Variants in GALNT13 observed in about 807,000 individuals in gnomAD.
The protein encoded by GALNT13 is polypeptide N-acetylgalactosaminyltransferase 13.
GALNT13 carries 28 observed loss-of-function variants against 64.2 expected under a neutral mutation model. That is an observed-to-expected ratio of 0.44 (90% confidence interval 0.32 to 0.60). GALNT13 has a LOEUF of 0.60. GALNT13 is among the 20% of genes least tolerant of loss of function. The pLI, the probability that GALNT13 is intolerant of heterozygous loss-of-function variation, is 0.05. For missense variants in GALNT13, 577 were observed against 669.8 expected (o/e 0.86, Z 1.53); for synonymous variants, 214 against 224.6 (o/e 0.95, Z 0.42).
At chr2:153,555,488 C>T in the GALNT13 span, among the ~76,000 whole-genome samples, 1 of 104,592 alleles carries the variant, frequency 9.6e-6, no homozygotes, top group South Asian at 3.6e-4. Flanking sequence ...GCCACCGCGC[C>T]CGGCCCAGAA....
intron 3 of GALNT13, among the ~76,000 whole-genome samples, chr2:153,986,418 C>A (rs1694804311): frequency 6.6e-6 from 1 of 151,918 alleles, no homozygotes; most frequent in Non-Finnish European, 1.5e-5. Flanking sequence ...AGGATTACAA[C>A]AGTATACTTG....
the GALNT13 span, among the ~76,000 whole-genome samples, chr2:153,169,719 T>G: frequency 6.6e-6 from 1 of 152,190 alleles, no homozygotes; most frequent in South Asian, 2.1e-4. Flanking sequence ...TGGGTGAGGC[T>G]GAGACAGACA....
At chr2:153,341,501 C>A in the GALNT13 span, among the ~76,000 whole-genome samples, 1 of 152,192 alleles carries the variant, frequency 6.6e-6, no homozygotes, top group Non-Finnish European at 1.5e-5. Context: ...AATTCTCCTT[C>A]TTACAGCATA....
the GALNT13 span, among the ~76,000 whole-genome samples, chr2:153,597,507 G>A: frequency 6.6e-6 from 1 of 152,036 alleles, no homozygotes; most frequent in Non-Finnish European, 1.5e-5. Flanking sequence ...AGAACTAAAT[G>A]AAGGGCTAAA....
chr2:153,946,478 C>T (rs1488931448), intron 3 of GALNT13, among the ~76,000 whole-genome samples: 1 of 152,064 alleles, frequency 6.6e-6, no homozygotes. Context: ...TGGTGGCTAA[C>T]AAGGAACAGA....
intron 1 of GALNT13, among the ~76,000 whole-genome samples, chr2:153,898,122 T>C (rs1045983508): frequency 6.6e-6 from 1 of 152,104 alleles, no homozygotes; most frequent in Admixed American, 6.6e-5. Flanking sequence ...TATATCTCTG[T>C]ATATAGTGGG....
Position 153,944,432 on chromosome 2 carries a change from TG to T in GALNT13, c.-64del. On this transcript the variant is annotated 5_prime_UTR_variant, in exon 3 of 13. The change abolishes the stop of an existing upstream ORF in the 5' untranslated region. Transcript: ENST00000392825. ...GCTTTCATCTTGGAGTTCACCTGTG[TG>T]GCTTGGATTTATCACAGTAGCATTT... is the stretch of plus-strand genomic sequence containing the variant. 1.4e-6 allele frequency: 2 copies of T among 1,460,816 alleles called. No individual in the cohort carries two copies. The highest frequency in any genetic ancestry group is 9.4e-7 in the Non-Finnish European group (1 of 1,059,714). 90.5% of individuals were successfully genotyped at this position (1,460,816 alleles called of 1,614,324 possible).
At chr2:154,382,814 A>T (rs1325255251) in intron 9 of GALNT13, among the ~76,000 whole-genome samples, 4 of 151,308 alleles carry the variant, frequency 2.6e-5, no homozygotes, top group Non-Finnish European at 5.9e-5. Context: ...ATAAGTTTCT[A>T]CTGTTCTTAG....
At chr2:154,344,969 A>G (rs916479875) in intron 9 of GALNT13, among the ~76,000 whole-genome samples, 1 of 152,092 alleles carries the variant, frequency 6.6e-6, no homozygotes, top group South Asian at 2.1e-4. Context: ...TCAAAAATAT[A>G]AGAAACTCAG....
chr2:154,278,342 C>T (rs1691772102), intron 8 of GALNT13, among the ~76,000 whole-genome samples: 1 of 152,096 alleles, frequency 6.6e-6, no homozygotes, highest in African/African-American at 2.4e-5. Flanking sequence ...CAAGAGAAGA[C>T]CTCAGGAACT....
intron 4 of GALNT13, among the ~76,000 whole-genome samples, chr2:154,203,629 G>T (rs540825536): frequency 1.3e-5 from 2 of 152,188 alleles, no homozygotes; most frequent in Non-Finnish European, 2.9e-5. Flanking sequence ...TCCACCTCCA[G>T]TCTTCCCTGT....
At chr2:154,134,321 A>G (rs781313289) in intron 3 of GALNT13, among the ~76,000 whole-genome samples, 1 of 152,232 alleles carries the variant, frequency 6.6e-6, no homozygotes, top group Non-Finnish European at 1.5e-5. Context: ...TCAGAGATGA[A>G]CAAGGATTAT....
the GALNT13 span, among the ~76,000 whole-genome samples, chr2:153,691,710 A>T: frequency 6.6e-6 from 1 of 152,138 alleles, no homozygotes; most frequent in African/African-American, 2.4e-5. Context: ...ACATACCAGA[A>T]GGTCTATAAG....
At chr2:154,442,578 GAA>G (rs557955593) in intron 12 of GALNT13, among the ~76,000 whole-genome samples, 1 of 151,858 alleles carries the variant, frequency 6.6e-6, no homozygotes, top group African/African-American at 2.4e-5. Flanking sequence ...TAAATGAAGA[GAA>G]AAAAATTCAT....
At chr2:153,714,759 G>A in the GALNT13 span, among the ~76,000 whole-genome samples, 2 of 152,238 alleles carry the variant, frequency 1.3e-5, no homozygotes, top group African/African-American at 4.8e-5. Context: ...TACCCTTTGG[G>A]TTCCAATTCT....
chr2:154,068,831 T>C (rs890493114), intron 3 of GALNT13, among the ~76,000 whole-genome samples: 2 of 152,040 alleles, frequency 1.3e-5, no homozygotes, highest in Admixed American at 6.6e-5. Context: ...GTGACTACAG[T>C]CAACAATAAT....
the GALNT13 span, among the ~76,000 whole-genome samples, chr2:153,136,431 A>G: frequency 6.6e-6 from 1 of 152,084 alleles, no homozygotes; most frequent in Admixed American, 6.6e-5. Flanking sequence ...TTGGTCAGCT[A>G]TGACTGGGAG....
At chr2:153,626,068 A>T in the GALNT13 span, among the ~76,000 whole-genome samples, 2 of 152,142 alleles carry the variant, frequency 1.3e-5, no homozygotes, top group South Asian at 2.1e-4. Context: ...AGAATATAAG[A>T]TGCATACTCC....
At chr2:153,132,227 T>C in the GALNT13 span, among the ~76,000 whole-genome samples, 1 of 152,198 alleles carries the variant, frequency 6.6e-6, no homozygotes, top group Non-Finnish European at 1.5e-5. Context: ...TTTCTAGGTT[T>C]TCCAATTTAA....
Sources: allele counts gnomAD v4.1 joint callset (sites outside exome capture counted in the v4.1 genomes callset), GRCh38; gene constraint gnomAD v4.1.1; transcripts MANE v1.5; gene names NCBI Gene and HGNC (gene_info 2026-07-23, HGNC 2026-07-21).